Variants in CNTNAP5 observed in about 807,000 individuals in gnomAD.
CNTNAP5 encodes the protein contactin-associated protein-like 5.
CNTNAP5 carries 72 observed loss-of-function variants against 150.2 expected under a neutral mutation model. The ratio of observed to expected loss-of-function variants is 0.48; its 90% CI spans 0.40 to 0.58. The LOEUF is 0.58. CNTNAP5 is among the 20% of genes least tolerant of loss of function. The pLI is 0.00. For missense variants in CNTNAP5, 1,636 were observed against 1,626.2 expected (o/e 1.01, Z -0.10); for synonymous variants, 672 against 619.8 (o/e 1.08, Z -1.25).
chr2:124,708,625 TTA>T (rs1176703838), intron 13 of CNTNAP5, among the ~76,000 whole-genome samples: 1 of 152,088 alleles, frequency 6.6e-6, no homozygotes, highest in Non-Finnish European at 1.5e-5. Flanking sequence ...ACATTGGCAT[TTA>T]TGTGTCTTTG....
At chr2:124,056,660 C>A (rs1450422205) in intron 1 of CNTNAP5, among the ~76,000 whole-genome samples, 1 of 151,768 alleles carries the variant, frequency 6.6e-6, no homozygotes, top group Admixed American at 6.6e-5. Context: ...ACAACAAGAA[C>A]AACAACAACA....
intron 3 of CNTNAP5, among the ~76,000 whole-genome samples, chr2:124,353,213 G>A (rs1335825913): frequency 6.7e-6 from 1 of 149,672 alleles, no homozygotes; most frequent in African/African-American, 2.5e-5. Context: ...TTGCTCTCAG[G>A]GACTTCTGAA....
At chr2:124,674,503 TTCTTTC>T (rs1182501408) in intron 13 of CNTNAP5, among the ~76,000 whole-genome samples, 1,121 of 90,950 alleles carry the variant, frequency 0.012, 10 homozygotes, top group African/African-American at 0.024. Flanking sequence ...CTTCCTTTCT[TTCTTTC>T]TCTTTCTTTC....
chr2:124,803,190 G>A (rs368131187), intron 19 of CNTNAP5, among the ~76,000 whole-genome samples: 7 of 152,106 alleles, frequency 4.6e-5, no homozygotes, highest in African/African-American at 1.7e-4. Context: ...CTAGGTAGAA[G>A]TCTGTTCTAG....
chr2:124,617,925 A>G (rs926182239), intron 12 of CNTNAP5, among the ~76,000 whole-genome samples: 5 of 152,142 alleles, frequency 3.3e-5, no homozygotes, highest in African/African-American at 7.2e-5. Context: ...AAGCTGGTCA[A>G]GAGCTGCAGG....
rs377560265 is a variant in CNTNAP5, at chr2:124,472,051, CAG to C, written c.919-2684_919-2683del. Among the ~76,000 whole-genome samples, 228 of 152,016 alleles carry C rather than the reference CAG, an allele frequency of 1.5e-3. 1 individual carries two copies. The highest frequency in any genetic ancestry group is 5.4e-3 in the African/African-American group (225 of 41,500). On this transcript the variant is annotated intron_variant, in intron 6 of 23. Coordinates refer to ENST00000682447, the MANE Select transcript of CNTNAP5 (RefSeq NM_001367498.1). ...CATTCATATGATAAAATATAAAACT[CAG>C]AGACAAATTTAGACTTGATCTAAAT...
chr2:124,126,503 C>T (rs953608365), intron 1 of CNTNAP5, among the ~76,000 whole-genome samples: 8 of 152,168 alleles, frequency 5.3e-5, no homozygotes, highest in African/African-American at 1.9e-4. Flanking sequence ...GGTACCATTC[C>T]TTCTGAAACT....
At chr2:124,621,779 C>T (rs976642822) in intron 12 of CNTNAP5, among the ~76,000 whole-genome samples, 1 of 152,104 alleles carries the variant, frequency 6.6e-6, no homozygotes, top group East Asian at 1.9e-4. Flanking sequence ...AATGGGACCA[C>T]TGGTTATGAA....
intron 1 of CNTNAP5, among the ~76,000 whole-genome samples, chr2:124,073,262 A>G (rs1468520593): frequency 6.6e-6 from 1 of 152,118 alleles, no homozygotes; most frequent in Admixed American, 6.6e-5. Flanking sequence ...AACTCCTACA[A>G]GAAAACATTG....
intron 3 of CNTNAP5, among the ~76,000 whole-genome samples, chr2:124,387,876 T>C (rs1690971148): frequency 1.3e-5 from 2 of 152,108 alleles, no homozygotes; most frequent in African/African-American, 4.8e-5. Flanking sequence ...CCTCCTATCT[T>C]AGCCACAGTG....
intron 1 of CNTNAP5, among the ~76,000 whole-genome samples, chr2:124,164,817 C>T (rs1392338109): frequency 3.3e-5 from 5 of 152,144 alleles, no homozygotes; most frequent in Admixed American, 3.3e-4. Context: ...CAATATTCAC[C>T]TCACCTAGGT....
intron 13 of CNTNAP5, among the ~76,000 whole-genome samples, chr2:124,672,588 C>T (rs1287226405): frequency 6.6e-6 from 1 of 152,088 alleles, no homozygotes; most frequent in African/African-American, 2.4e-5. Context: ...GAGGACATTT[C>T]TTAGGGCACA....
At chr2:124,231,405 T>A (rs748531604) in intron 2 of CNTNAP5, among the ~76,000 whole-genome samples, 14 of 152,188 alleles carry the variant, frequency 9.2e-5, no homozygotes. Context: ...GGCCCAAAAC[T>A]ACACAGCTAA....
chr2:124,852,602 G>A (rs1405363870), intron 19 of CNTNAP5, among the ~76,000 whole-genome samples: 1 of 152,206 alleles, frequency 6.6e-6, no homozygotes, highest in Non-Finnish European at 1.5e-5. Context: ...ATTTTAAGTA[G>A]TGGCATCTGG....
intron 2 of CNTNAP5, among the ~76,000 whole-genome samples, chr2:124,240,335 A>G (rs1047830750): frequency 5.9e-5 from 9 of 152,160 alleles, no homozygotes; most frequent in Admixed American, 5.2e-4. Flanking sequence ...AGCTGCATCC[A>G]TCAGTGGTGG....
intron 13 of CNTNAP5, among the ~76,000 whole-genome samples, chr2:124,736,517 A>G (rs976539444): frequency 6.6e-6 from 1 of 152,172 alleles, no homozygotes; most frequent in African/African-American, 2.4e-5. Context: ...GATGTTTTAT[A>G]TCGGTTTGTT....
At chr2:124,383,669 A>G (rs1690858171) in intron 3 of CNTNAP5, among the ~76,000 whole-genome samples, 1 of 152,224 alleles carries the variant, frequency 6.6e-6, no homozygotes, top group Admixed American at 6.5e-5. Flanking sequence ...AAAAATTGCA[A>G]GGCTATTATG....
chr2:124,859,907 G>T (rs892117472), intron 19 of CNTNAP5, among the ~76,000 whole-genome samples: 27 of 152,062 alleles, frequency 1.8e-4, no homozygotes, highest in Non-Finnish European at 1.2e-4. Flanking sequence ...TGGGGCCTGT[G>T]GTGGGGTGAG....
chr2:124,438,078 G>A (rs1469086265), intron 5 of CNTNAP5, among the ~76,000 whole-genome samples: 1 of 152,122 alleles, frequency 6.6e-6, no homozygotes, highest in African/African-American at 2.4e-5. Flanking sequence ...GCTCTTTGAT[G>A]AGTATCCAAT....
Sources: allele counts gnomAD v4.1 joint callset (sites outside exome capture counted in the v4.1 genomes callset), GRCh38; gene constraint gnomAD v4.1.1; transcripts MANE v1.5; gene names NCBI Gene and HGNC (gene_info 2026-07-23, HGNC 2026-07-21).